The following GRM8 variants were observed in gnomAD, a reference collection of about 807,000 sequenced individuals.
The protein encoded by GRM8 is glutamate metabotropic receptor 8.
GRM8 carries 47 observed loss-of-function variants against 87.2 expected under a neutral mutation model. The observed-to-expected ratio is 0.54, with a 90% CI of 0.43 to 0.69. GRM8 has a LOEUF of 0.69. Among genes scored for constraint, GRM8 ranks in the 30% least tolerant of loss-of-function variants. GRM8 has a pLI of 0.00. For missense variants in GRM8, 1,019 were observed against 1,139.2 expected, an observed-to-expected ratio of 0.89 and a Z score of 1.52; for synonymous variants, 396 against 404.5, an observed-to-expected ratio of 0.98 and a Z score of 0.25.
intron 8 of GRM8, among the ~76,000 whole-genome samples, chr7:126,559,076 C>CTT (rs1216113945): frequency 6.6e-6 from 1 of 151,404 alleles, no homozygotes; most frequent in Non-Finnish European, 1.5e-5. Context: ...GGGAAATGGG[C>CTT]TCCAGATGGC....
At chr7:127,140,519 T>G (rs1016906662) in intron 2 of GRM8, among the ~76,000 whole-genome samples, 2 of 152,162 alleles carry the variant, frequency 1.3e-5, no homozygotes, top group African/African-American at 2.4e-5. Context: ...TTCTGACTTA[T>G]TCTGTCTAAC....
rs1324646698 is a variant in GRM8 at position 127,232,210 on chromosome 7, TGTGAGAGA to T, written c.510+10477_510+10484del. On this transcript the variant is annotated intron_variant, in intron 2 of 10. Transcript: ENST00000339582. The stretch of plus-strand genomic sequence containing the variant: ...GTGTGTGTGTGTGTGTGTGTGTGTG[TGTGAGAGA>T]GAGAGAGAGAGAGAGAGAGAGACAG... Among the ~76,000 whole-genome samples, 800 of 146,024 alleles carry T rather than the reference TGTGAGAGA, an allele frequency of 5.5e-3. 5 individuals are homozygous for T. Among genetic ancestry groups the T allele is most frequent in the African/African-American group, 0.019 (761 of 39,822 alleles).
At chr7:127,073,492 G>C (rs908694346) in intron 3 of GRM8, among the ~76,000 whole-genome samples, 7 of 152,134 alleles carry the variant, frequency 4.6e-5, no homozygotes, top group Non-Finnish European at 1.0e-4. Flanking sequence ...GAAAATGAAA[G>C]TACAGGCTCT....
chr7:127,236,495 G>A (rs1192250889), intron 2 of GRM8, among the ~76,000 whole-genome samples: 2 of 152,170 alleles, frequency 1.3e-5, no homozygotes, highest in East Asian at 3.9e-4. Flanking sequence ...GAAGGAGCGT[G>A]CCAAACAAAG....
chr7:126,464,076 T>C (rs1445474644), intron 9 of GRM8, among the ~76,000 whole-genome samples: 6 of 151,640 alleles, frequency 4.0e-5, no homozygotes, highest in Non-Finnish European at 5.9e-5. Flanking sequence ...CTGAAAGTGA[T>C]CAAATTTTTT....
chr7:126,941,945 T>C (rs1806991868), intron 3 of GRM8, among the ~76,000 whole-genome samples: 2 of 152,164 alleles, frequency 1.3e-5, no homozygotes, highest in Admixed American at 6.5e-5. Flanking sequence ...CAACAAAAAT[T>C]GGTTTATAAT....
At chr7:127,206,821 T>C (rs1795939871) in intron 2 of GRM8, among the ~76,000 whole-genome samples, 1 of 152,210 alleles carries the variant, frequency 6.6e-6, no homozygotes. Context: ...ATTCAACCAC[T>C]GGTTACCTCG....
intron 3 of GRM8, among the ~76,000 whole-genome samples, chr7:127,010,930 G>A (rs1278434467): frequency 1.3e-5 from 2 of 151,978 alleles, no homozygotes; most frequent in African/African-American, 4.8e-5. Flanking sequence ...GGAAAAGGAG[G>A]GAGAAGAGGA....
intron 2 of GRM8, among the ~76,000 whole-genome samples, chr7:127,218,050 C>A (rs918713074): frequency 3.3e-5 from 5 of 152,150 alleles, no homozygotes; most frequent in African/African-American, 1.2e-4. Flanking sequence ...ATGAGTGGGG[C>A]CCAGAAATCC....
At chr7:126,880,100 T>C (rs920408390) in intron 6 of GRM8, among the ~76,000 whole-genome samples, 3 of 152,228 alleles carry the variant, frequency 2.0e-5, no homozygotes, top group African/African-American at 7.2e-5. Context: ...GTTGAATGAC[T>C]GTTAAATAAG....
intron 8 of GRM8, among the ~76,000 whole-genome samples, chr7:126,593,890 G>A (rs552281831): frequency 2.6e-5 from 4 of 151,990 alleles, no homozygotes; most frequent in African/African-American, 7.2e-5. Context: ...TACTCAAACA[G>A]CTCATTAGCA....
At chr7:127,225,669 GATTATATATTTATAATATATATACTATAT>G (rs1797278291) in intron 2 of GRM8, among the ~76,000 whole-genome samples, 1 of 148,076 alleles carries the variant, frequency 6.8e-6, no homozygotes, top group Admixed American at 6.8e-5. Flanking sequence ...ATAATAGATA[GATTATATATTTATAATATATATACTATAT>G]ATTATATAGA....
chr7:126,678,484 T>G (rs1807221704), intron 7 of GRM8, among the ~76,000 whole-genome samples: 1 of 152,228 alleles, frequency 6.6e-6, no homozygotes, highest in Admixed American at 6.5e-5. Flanking sequence ...TCTGAAACAT[T>G]CTTTTGGGGG....
chr7:126,712,633 A>G (rs1283623986), intron 7 of GRM8, among the ~76,000 whole-genome samples: 3 of 152,326 alleles, frequency 2.0e-5, no homozygotes, highest in Middle Eastern at 3.4e-3. Context: ...TCTGCTCAGC[A>G]AAGGAAACTA....
intron 3 of GRM8, among the ~76,000 whole-genome samples, chr7:127,082,550 T>C (rs918739194): frequency 1.3e-5 from 2 of 152,222 alleles, no homozygotes; most frequent in African/African-American, 4.8e-5. Flanking sequence ...ATTAGTTCAA[T>C]GTGCAAAGCA....
intron 7 of GRM8, among the ~76,000 whole-genome samples, chr7:126,731,070 G>T (rs1318112579): frequency 8.5e-5 from 13 of 152,214 alleles, no homozygotes; most frequent in Admixed American, 7.9e-4. Context: ...CTCAAAGAAT[G>T]AAGACTTTAG....
At chr7:126,461,354 C>T (rs1803878418) in intron 9 of GRM8, among the ~76,000 whole-genome samples, 1 of 151,512 alleles carries the variant, frequency 6.6e-6, no homozygotes, top group South Asian at 2.1e-4. Flanking sequence ...GCTTTGTACT[C>T]CTAACCCACA....
intron 3 of GRM8, among the ~76,000 whole-genome samples, chr7:126,983,873 T>A (rs1407408442): frequency 6.6e-6 from 1 of 152,160 alleles, no homozygotes; most frequent in Non-Finnish European, 1.5e-5. Context: ...GAATACAGAA[T>A]GGGTAGGAGA....
chr7:127,064,428 T>A (rs901610521), intron 3 of GRM8, among the ~76,000 whole-genome samples: 1 of 152,198 alleles, frequency 6.6e-6, no homozygotes, highest in African/African-American at 2.4e-5. Context: ...TTGTTTGAAA[T>A]TGGGATTACA....
Sources: allele counts gnomAD v4.1 joint callset (sites outside exome capture counted in the v4.1 genomes callset), GRCh38; gene constraint gnomAD v4.1.1; transcripts MANE v1.5; gene names NCBI Gene and HGNC (gene_info 2026-07-23, HGNC 2026-07-21).